Variants in MCF2L2 observed in about 807,000 individuals in gnomAD.
The protein encoded by MCF2L2 is probable guanine nucleotide exchange factor MCF2L2.
Under a neutral mutation model 150.2 loss-of-function variants are expected in MCF2L2, and 102 were observed. That is an observed-to-expected ratio of 0.68 (90% CI 0.58 to 0.80). MCF2L2 has a LOEUF of 0.80. Among genes scored for constraint, MCF2L2 ranks in the 30% least tolerant of loss-of-function variants. The probability of loss-of-function intolerance (pLI) is 0.00; values close to 1 mark genes in which losing one functional copy is unlikely to be tolerated. For synonymous variants in MCF2L2, 465 were observed against 491.3 expected, an observed-to-expected ratio of 0.95 and a Z score of 0.71; for missense variants, 1,256 against 1,372.8, an observed-to-expected ratio of 0.91 and a Z score of 1.34.
At chr3:183,224,416 G>A in intron 18 of MCF2L2, 1 of 468,678 alleles carries the variant, frequency 2.1e-6, no homozygotes, top group Non-Finnish European at 3.8e-6. Context: ...AGAGTGCTCT[G>A]GGAGCATCTA....
At chr3:183,246,726 G>T (rs148459495) in intron 15 of MCF2L2, among the ~76,000 whole-genome samples, 1 of 152,192 alleles carries the variant, frequency 6.6e-6, no homozygotes, top group Non-Finnish European at 1.5e-5. Flanking sequence ...TGGATCATAG[G>T]ATCATTCTAT....
chr3:183,360,960 A>AAAGAT, intron 3 of MCF2L2, among the ~76,000 whole-genome samples: 1 of 19,446 alleles, frequency 5.1e-5, no homozygotes, highest in East Asian at 8.3e-4. Context: ...GAAACTCAGA[A>AAAGAT]AAGAAAAGAA....
At position 183,179,830 on chromosome 3, in the gene MCF2L2, C is replaced by G. The variant is rs1156810006; in HGVS notation, c.3106-138G>C. The G allele has an allele frequency of 2.5e-5, 20 of 791,028 alleles. No individual in the cohort carries two copies. Among genetic ancestry groups the G allele is most frequent in the Non-Finnish European group, 4.2e-5 (20 of 478,860 alleles). The allele number at this position is 791,028 out of a possible 1,614,324, so 49.0% of individuals were successfully genotyped here. A position where few individuals can be genotyped will look rare whatever the true frequency, so the allele number is the denominator to read the frequency against. On this transcript the variant is annotated intron_variant, in intron 28 of 29. Transcript: ENST00000328913. This position sits in a 1 kb window ranked among gnomAD's most constrained non-coding sequence, Gnocchi z 4.2. ...TGGGCCACGGGGCTCTCAGCGGGAG[C>G]CCCAGTTATGACCGGACACCAGCGC...
chr3:183,299,935 G>A (rs546550865), intron 11 of MCF2L2, 70 bp downstream of exon 11: 49 of 1,509,598 alleles, frequency 3.2e-5, no homozygotes, highest in Admixed American at 2.0e-4. Flanking sequence ...AGGAAGGGAG[G>A]ACGAGTATGA....
chr3:183,256,840 AATAACGG>A (rs1229713484), intron 15 of MCF2L2, among the ~76,000 whole-genome samples: 1 of 119,538 alleles, frequency 8.4e-6, no homozygotes, highest in Non-Finnish European at 1.5e-5. Flanking sequence ...TGGGAACAAG[AATAACGG>A]AAGACCGTTA....
intron 1 of MCF2L2, among the ~76,000 whole-genome samples, chr3:183,416,950 AT>A (rs886165866): frequency 6.6e-6 from 1 of 151,476 alleles, no homozygotes; most frequent in African/African-American, 2.4e-5. Flanking sequence ...TCTACTAAAA[AT>A]TTTTTTAAAA....
intron 1 of MCF2L2, among the ~76,000 whole-genome samples, chr3:183,409,954 C>T (rs998952231): frequency 6.6e-6 from 1 of 152,166 alleles, no homozygotes; most frequent in African/African-American, 2.4e-5. Context: ...AACAGTGAGA[C>T]ACCATAGGTC....
At chr3:183,248,656 G>A (rs1259068515) in intron 15 of MCF2L2, among the ~76,000 whole-genome samples, 1 of 151,988 alleles carries the variant, frequency 6.6e-6, no homozygotes, top group Admixed American at 6.6e-5. Context: ...GCAACATAGT[G>A]AGCAACTCCA....
At chr3:183,244,117 C>A (rs1199616212) in intron 15 of MCF2L2, among the ~76,000 whole-genome samples, 5 of 151,472 alleles carry the variant, frequency 3.3e-5, no homozygotes, top group African/African-American at 1.2e-4. Context: ...GAGTGAGACT[C>A]CAGCTCAAAA....
chr3:183,300,305 AC>A, intron 10 of MCF2L2, 109 bp from the exon 11 acceptor site: 1 of 985,718 alleles, frequency 1.0e-6, no homozygotes, highest in Non-Finnish European at 1.4e-6. Flanking sequence ...GGAGATGCTA[AC>A]CCAGGATGAA....
chr3:183,219,960 T>A (rs1045571316), intron 20 of MCF2L2, 36 bp from the exon 21 acceptor site: 4 of 1,457,628 alleles, frequency 2.7e-6, no homozygotes, highest in Non-Finnish European at 3.8e-6. Context: ...AAAATTAAAA[T>A]GTACATTGCC....
chr3:183,345,138 A>G (rs1730850303), intron 3 of MCF2L2, among the ~76,000 whole-genome samples: 1 of 152,210 alleles, frequency 6.6e-6, no homozygotes, highest in African/African-American at 2.4e-5. Context: ...ACCACATAGC[A>G]CTTATTCTAA....
chr3:183,327,458 T>C (rs1730097455), intron 5 of MCF2L2, among the ~76,000 whole-genome samples: 1 of 152,246 alleles, frequency 6.6e-6, no homozygotes, highest in South Asian at 2.1e-4. Flanking sequence ...AACTACAACC[T>C]GGCACACAGG....
chr3:183,251,766 G>A (rs982684269), intron 15 of MCF2L2, among the ~76,000 whole-genome samples: 1 of 151,876 alleles, frequency 6.6e-6, no homozygotes, highest in Admixed American at 6.6e-5. Context: ...GGTGGGACAG[G>A]AAGCCAGGCT....
At chr3:183,366,922 T>C (rs1485561725) in intron 3 of MCF2L2, among the ~76,000 whole-genome samples, 1 of 152,168 alleles carries the variant, frequency 6.6e-6, no homozygotes, top group African/African-American at 2.4e-5. Context: ...TAAAGGTATA[T>C]GCCACTTCTG....
chr3:183,367,525 C>T (rs938949708), intron 3 of MCF2L2, among the ~76,000 whole-genome samples: 5 of 152,198 alleles, frequency 3.3e-5, no homozygotes, highest in Middle Eastern at 3.4e-3. Flanking sequence ...CCACTGTGCC[C>T]GGCCTACTGA....
In MCF2L2 at chr3:183,283,917, T is replaced by G. The variant is rs1248130167; in HGVS notation, c.1776+5203A>C. On this transcript the variant is annotated intron_variant, in intron 14 of 29. Coordinates refer to ENST00000328913, the MANE Select transcript of MCF2L2 (RefSeq NM_015078.4). The surrounding 1 kb of genome is among the most constrained non-coding windows in gnomAD (Gnocchi z 4.2). The stretch of plus-strand genomic sequence containing the variant: ...ATTACTTTCTCTACCACATTATATA[T>G]TCCTTTTACTGTAGAAACGTCATTC... Among the ~76,000 whole-genome samples the G allele has an allele frequency of 6.6e-6, 1 of 152,226 alleles. No individual in the cohort carries two copies. The highest frequency in any genetic ancestry group is 1.5e-5 in the Non-Finnish European group (1 of 68,038).
intron 12 of MCF2L2, chr3:183,296,199 G>A (rs1282198623): frequency 6.6e-6 from 1 of 152,406 alleles, no homozygotes; most frequent in East Asian, 1.9e-4. Flanking sequence ...GTGATGATGT[G>A]GCTCTCAGAG....
intron 3 of MCF2L2, among the ~76,000 whole-genome samples, chr3:183,363,630 C>T (rs1473662067): frequency 6.6e-6 from 1 of 152,130 alleles, no homozygotes; most frequent in African/African-American, 2.4e-5. Flanking sequence ...GACCCAGCTA[C>T]TCAGGAGGCT....
Sources: gnomAD v4.1 joint callset for allele counts (sites outside exome capture counted in the v4.1 genomes callset) on GRCh38, gnomAD v4.1.1 for gene constraint, Gnocchi (gnomAD v3.1) non-coding constraint, MANE v1.5 for transcripts, NCBI Gene and HGNC (gene_info 2026-07-23, HGNC 2026-07-21) for gene names.